LUZP2: variants seen among roughly 807,000 people sequenced by gnomAD.
The protein encoded by LUZP2 is leucine zipper protein 2.
In LUZP2, 52 loss-of-function variants were observed where a neutral mutation model predicts 51.6. That is an observed-to-expected ratio of 1.01 (90% CI 0.81 to 1.27). LUZP2 has a LOEUF of 1.27. Ranked by LOEUF, LUZP2 falls within the 50% of genes most tolerant of loss-of-function variation. The probability of loss-of-function intolerance (pLI) is 0.00; values close to 1 mark genes in which losing one functional copy is unlikely to be tolerated. For synonymous variants in LUZP2, 154 were observed against 137.3 expected, an observed-to-expected ratio of 1.12 and a Z score of -0.85; for missense variants, 436 against 395.4, an observed-to-expected ratio of 1.10 and a Z score of -0.87.
intron 1 of LUZP2, among the ~76,000 whole-genome samples, chr11:24,578,675 C>T (rs2133817026): frequency 1.3e-5 from 2 of 152,050 alleles, no homozygotes; most frequent in East Asian, 3.9e-4. Context: ...AAAATTAATG[C>T]AGAAACAGAA....
At chr11:24,960,150 G>T (rs1273870632) in intron 7 of LUZP2, among the ~76,000 whole-genome samples, 3 of 152,084 alleles carry the variant, frequency 2.0e-5, no homozygotes, top group Non-Finnish European at 2.9e-5. Flanking sequence ...GATTCGGTTT[G>T]CCAGTATTTT....
chr11:24,997,246 G>A (rs1332754199), intron 9 of LUZP2, among the ~76,000 whole-genome samples: 1 of 151,868 alleles, frequency 6.6e-6, no homozygotes, highest in African/African-American at 2.4e-5. Context: ...CAGTGTAAAA[G>A]TGTTCCTATT....
chr11:25,055,328 T>C (rs1281013701), intron 10 of LUZP2, among the ~76,000 whole-genome samples: 19 of 152,098 alleles, frequency 1.2e-4, no homozygotes, highest in Admixed American at 1.2e-3. Context: ...CTTTTAAAAT[T>C]TCTTTCAGCA....
At chr11:24,876,984 T>G (rs1033424507) in intron 5 of LUZP2, among the ~76,000 whole-genome samples, 8 of 152,166 alleles carry the variant, frequency 5.3e-5, no homozygotes, top group Non-Finnish European at 7.3e-5. Flanking sequence ...TGTCAGAAAT[T>G]CAGAAAAAGA....
chr11:24,875,496 C>T (rs1292228024), intron 5 of LUZP2, among the ~76,000 whole-genome samples: 4 of 139,742 alleles, frequency 2.9e-5, no homozygotes, highest in African/African-American at 1.1e-4. Context: ...TTAATCCAGT[C>T]TATCATTGTT....
At chr11:24,521,303 A>G (rs1850632745) in intron 1 of LUZP2, among the ~76,000 whole-genome samples, 2 of 135,008 alleles carry the variant, frequency 1.5e-5, no homozygotes, top group African/African-American at 5.5e-5. Context: ...GTGAGCTGAG[A>G]TCATGCCATT....
At chr11:24,770,704 A>G (rs951589618) in intron 5 of LUZP2, among the ~76,000 whole-genome samples, 1 of 152,222 alleles carries the variant, frequency 6.6e-6, no homozygotes, top group Non-Finnish European at 1.5e-5. Flanking sequence ...ATAAAACATG[A>G]TTTTTAGGGG....
intron 5 of LUZP2, chr11:24,892,697 A>T (rs6484079): frequency 0.96 from 147,612 of 154,072 alleles, 71,018 homozygotes; most frequent in East Asian, 1. Flanking sequence ...CTACAGACTG[A>T]TGTCACAATC....
At chr11:24,905,712 A>G (rs142833466) in intron 5 of LUZP2, among the ~76,000 whole-genome samples, 1 of 152,088 alleles carries the variant, frequency 6.6e-6, no homozygotes, top group African/African-American at 2.4e-5. Flanking sequence ...TTTTTTTTCA[A>G]AAACGAAATC....
In LUZP2 at chr11:24,812,050, C is replaced by T. The variant is rs184404952; in HGVS notation, c.396+48742C>T. 2.0e-4 allele frequency among the ~76,000 whole-genome samples: 30 copies of T among 152,162 alleles called. 1 individual carries two copies. The highest frequency in any genetic ancestry group is 1.8e-3 in the Admixed American group (28 of 15,256). On this transcript the variant is annotated intron_variant, in intron 5 of 11. Coordinates refer to ENST00000336930, the MANE Select transcript of LUZP2 (RefSeq NM_001009909.4). ...CCCTATGATTGAAGAATTATTTCATCGACAATATGGGCTGTTGTGTTTCAT... is the reference window on the plus strand; with the variant it reads ...CCCTATGATTGAAGAATTATTTCATTGACAATATGGGCTGTTGTGTTTCAT...
chr11:25,063,676 C>T (rs1301358908), intron 10 of LUZP2, among the ~76,000 whole-genome samples: 2 of 150,296 alleles, frequency 1.3e-5, no homozygotes, highest in Admixed American at 1.3e-4. Flanking sequence ...AATGTAGAAC[C>T]ACATTTCTTC....
At chr11:25,019,754 T>C (rs1207563349) in intron 9 of LUZP2, among the ~76,000 whole-genome samples, 3 of 152,084 alleles carry the variant, frequency 2.0e-5, no homozygotes, top group Admixed American at 6.6e-5. Flanking sequence ...ATGCACACTA[T>C]TTAAACTGCC....
chr11:24,900,942 A>G (rs1853260745), intron 5 of LUZP2, among the ~76,000 whole-genome samples: 1 of 152,170 alleles, frequency 6.6e-6, no homozygotes, highest in Non-Finnish European at 1.5e-5. Flanking sequence ...GTTTTGTAAC[A>G]TAAATTATAC....
intron 9 of LUZP2, among the ~76,000 whole-genome samples, chr11:25,027,925 A>G (rs1459119326): frequency 1.3e-5 from 2 of 151,858 alleles, no homozygotes; most frequent in Non-Finnish European, 2.9e-5. Flanking sequence ...TCCATTGGCT[A>G]GTGGATAAAA....
chr11:24,959,441 T>A (rs1484909673), intron 7 of LUZP2, among the ~76,000 whole-genome samples: 1 of 152,130 alleles, frequency 6.6e-6, no homozygotes, highest in Non-Finnish European at 1.5e-5. Context: ...TGAGCAGCGG[T>A]TTGTAGTTCT....
At chr11:24,735,877 G>A (rs2133979180) in intron 3 of LUZP2, among the ~76,000 whole-genome samples, 1 of 152,020 alleles carries the variant, frequency 6.6e-6, no homozygotes, top group East Asian at 1.9e-4. Context: ...GTGGTGCAGA[G>A]GCAAGTCAGG....
chr11:24,509,327 AAGTATAGT>A (rs1197933824), intron 1 of LUZP2, among the ~76,000 whole-genome samples: 5 of 152,012 alleles, frequency 3.3e-5, no homozygotes, highest in Non-Finnish European at 7.4e-5. Flanking sequence ...TGGCACTGTG[AAGTATAGT>A]ACAGTCATAA....
intron 5 of LUZP2, among the ~76,000 whole-genome samples, chr11:24,897,280 A>G (rs1399320142): frequency 6.6e-6 from 1 of 152,222 alleles, no homozygotes; most frequent in Admixed American, 6.5e-5. Flanking sequence ...GGGGTCAGAA[A>G]AGGGAATAAA....
intron 5 of LUZP2, among the ~76,000 whole-genome samples, chr11:24,853,348 A>G (rs999803505): frequency 6.6e-6 from 1 of 151,872 alleles, no homozygotes; most frequent in Non-Finnish European, 1.5e-5. Flanking sequence ...GTTTTGCTGG[A>G]TATAAAATTC....
Sources: gnomAD v4.1 joint callset for allele counts (sites outside exome capture counted in the v4.1 genomes callset) on GRCh38, gnomAD v4.1.1 for gene constraint, MANE v1.5 for transcripts, NCBI Gene and HGNC (gene_info 2026-07-23, HGNC 2026-07-21) for gene names.